ITPRID2: variants seen among roughly 807,000 people sequenced by gnomAD.
ITPRID2 encodes ITPR interacting domain containing 2.
Under a neutral mutation model 124.3 loss-of-function variants are expected in ITPRID2, and 60 were observed. The ratio of observed to expected loss-of-function variants is 0.48; its 90% CI spans 0.39 to 0.60. ITPRID2 has a LOEUF of 0.60. Ranked by LOEUF, ITPRID2 falls within the 20% of genes least tolerant of loss-of-function variation. The probability of loss-of-function intolerance (pLI) is 0.00; values close to 1 mark genes in which losing one functional copy is unlikely to be tolerated. For synonymous variants in ITPRID2, 521 were observed against 542.9 expected (o/e 0.96, Z 0.56); for missense variants, 1,553 against 1,512.2 (o/e 1.03, Z -0.45).
Position 181,930,538 on chromosome 2 carries a change from A to G in ITPRID2, c.*991A>G, listed in dbSNP as rs1216967629. The G allele has an allele frequency of 5.2e-5, 8 of 152,528 alleles. No homozygotes were observed. Among genetic ancestry groups the G allele is most frequent in the African/African-American group, 1.9e-4 (8 of 41,434 alleles). The allele number at this position is 152,528 out of a possible 1,614,324, so 9.4% of individuals were successfully genotyped here. A position where few individuals can be genotyped will look rare whatever the true frequency, so the allele number is the denominator to read the frequency against. Reference sequence around the variant, plus strand: ...TAAAGTAACCACCAAATGTTATTAGAATTTTTCTTCTAGCATTTATAATTT... The same window carrying G: ...TAAAGTAACCACCAAATGTTATTAGGATTTTTCTTCTAGCATTTATAATTT... On this transcript the variant is annotated 3_prime_UTR_variant, in exon 18 of 18. Transcript: ENST00000431877.
intron 14 of ITPRID2, 33 bp from the exon 15 acceptor site, chr2:181,920,564 A>G: frequency 1.3e-6 from 2 of 1,519,042 alleles, no homozygotes; most frequent in Non-Finnish European, 1.8e-6. Context: ...ATACACACAC[A>G]TATACATATA....
At chr2:181,911,957 T>C (rs1421638546) in intron 9 of ITPRID2, among the ~76,000 whole-genome samples, 2 of 152,194 alleles carry the variant, frequency 1.3e-5, no homozygotes, top group Admixed American at 1.3e-4. Context: ...ACCCAAACTG[T>C]GTACTTAGAC....
chr2:181,909,994 G>A, intron 9 of ITPRID2, 23 bp downstream of exon 9: 1 of 1,557,230 alleles, frequency 6.4e-7, no homozygotes, highest in South Asian at 1.1e-5. Flanking sequence ...GTATCCACTA[G>A]TTCTGAGCAC....
rs1313118956 is a variant in ITPRID2, at chr2:181,902,025, A to G, written c.972A>G (p.Gly324=). The change falls in exon 8 of 18, where the codon GGA becomes GGG. Residue 324 remains glycine, a synonymous_variant. Transcript: ENST00000431877. The surrounding 1 kb of genome is among the most constrained non-coding windows in gnomAD (Gnocchi z 4.4). ...SSSPSPSAEK[G]KILNVSVIEE... ...GTCCTTCTCCATCAGCTGAAAAAGG[A>G]AAGATTCTAAATGTTTCAGTGATTG... The G allele has an allele frequency of 3.1e-6, 5 of 1,613,802 alleles. No homozygotes were observed. Among genetic ancestry groups the G allele is most frequent in the Non-Finnish European group, 4.2e-6 (5 of 1,179,888 alleles).
chr2:181,922,532 A>G, intron 16 of ITPRID2, 120 bp downstream of exon 16: 1 of 1,006,810 alleles, frequency 9.9e-7, no homozygotes. Flanking sequence ...ATTTTCACAG[A>G]GCTTTTAAAT....
At chr2:181,926,529 T>C (rs549364464) in intron 16 of ITPRID2, among the ~76,000 whole-genome samples, 54 of 152,102 alleles carry the variant, frequency 3.6e-4, no homozygotes, top group East Asian at 2.1e-3. Context: ...TTGGCTAACA[T>C]GGTGAAACCC....
intron 8 of ITPRID2, among the ~76,000 whole-genome samples, chr2:181,903,315 C>T (rs951224817): frequency 6.6e-6 from 1 of 152,112 alleles, no homozygotes; most frequent in Admixed American, 6.6e-5. Context: ...GAAACTGAGG[C>T]ATATGTATGC....
chr2:181,929,731 A>C lies in ITPRID2; in HGVS notation c.*184A>C. 1.0e-6 allele frequency: 1 copy of C among 992,094 alleles called. No homozygotes were observed. Among genetic ancestry groups the C allele is most frequent in the Non-Finnish European group, 1.4e-6 (1 of 691,782 alleles). The allele number at this position is 992,094 out of a possible 1,614,324, so 61.5% of individuals were successfully genotyped here. On this transcript the variant is annotated 3_prime_UTR_variant, in exon 18 of 18. Transcript: ENST00000431877. The stretch of plus-strand genomic sequence containing the variant: ...TTTAAAAAGACGTACATAGAAACTT[A>C]GGCACTTTGCTATTTCTTTTCTAAA...
rs1376865013 is a variant in ITPRID2 at position 181,907,508 on chromosome 2, G to A, written c.1414-2391G>A. On this transcript the variant is annotated intron_variant, in intron 8 of 17. Coordinates refer to ENST00000431877, the MANE Select transcript of ITPRID2 (RefSeq NM_001130445.3). The surrounding 1 kb of genome is among the most constrained non-coding windows in gnomAD (Gnocchi z 5.1). ...ATGAAAAGTTTCAAACTTACTTGAA[G>A]ATTAGAGAAAATAATATCATGAACA... Among the ~76,000 whole-genome samples, 1 of 150,988 alleles carries A rather than the reference G, an allele frequency of 6.6e-6. No individual in the cohort carries two copies. Among genetic ancestry groups the A allele is most frequent in the South Asian group, 2.1e-4 (1 of 4,774 alleles).
At position 181,900,802 on chromosome 2, in the gene ITPRID2, T is replaced by A. The variant is rs1303082139; in HGVS notation, c.610T>A (p.Phe204Ile). 1.9e-6 allele frequency: 3 copies of A among 1,613,234 alleles called. No individual in the cohort carries two copies. The change falls in exon 7 of 18, where the codon TTT (phenylalanine) becomes ATT (isoleucine). Residue 204 changes from phenylalanine (F) to isoleucine (I), a missense_variant. Transcript: ENST00000431877. ...PDIASKIPSR[F>I]FNSSSFAKGI... Reference sequence around the variant, plus strand: ...TATTGCTTCTAAAATTCCTTCCAGATTTTTTAATTCATCATCCTTTGCCAA... The same window carrying A: ...TATTGCTTCTAAAATTCCTTCCAGAATTTTTAATTCATCATCCTTTGCCAA...
rs1392131613 is a variant in ITPRID2 at position 181,892,573 on chromosome 2, G to T, written c.212-42G>T. Reference sequence around the variant, plus strand: ...TCCAGGGTGACTCCGCCGTCGTAGTGCTCCTGGGTGGTAACGTGCTGTCCC... The same window carrying T: ...TCCAGGGTGACTCCGCCGTCGTAGTTCTCCTGGGTGGTAACGTGCTGTCCC... On this transcript the variant is annotated intron_variant, in intron 1 of 17. Transcript: ENST00000431877. The surrounding 1 kb of genome is among the most constrained non-coding windows in gnomAD (Gnocchi z 5.2). 6.2e-7 allele frequency: 1 copy of T among 1,613,172 alleles called. No homozygotes were observed. The highest frequency in any genetic ancestry group is 8.5e-7 in the Non-Finnish European group (1 of 1,179,250).
rs1691809224 is a variant in ITPRID2 at position 181,892,436 on chromosome 2, G to C, written c.211+159G>C. The C allele has an allele frequency of 5.4e-6, 6 of 1,120,126 alleles. No individual in the cohort carries two copies. Among genetic ancestry groups the C allele is most frequent in the Non-Finnish European group, 6.4e-6 (5 of 786,756 alleles). 69.4% of individuals were successfully genotyped at this position (1,120,126 alleles called of 1,614,324 possible). ...TTCAAACGCGCGCGCTGAACGAGGC[G>C]CCCCCAGCGTCAACACAGACAACTG... On this transcript the variant is annotated intron_variant, in intron 1 of 17. Coordinates refer to ENST00000431877, the MANE Select transcript of ITPRID2 (RefSeq NM_001130445.3). The surrounding 1 kb of genome is among the most constrained non-coding windows in gnomAD (Gnocchi z 5.2).
At position 181,919,546 on chromosome 2, in the gene ITPRID2, A is replaced by G; in HGVS notation, c.3144+100A>G. On this transcript the variant is annotated intron_variant, in intron 14 of 17. Coordinates refer to ENST00000431877, the MANE Select transcript of ITPRID2 (RefSeq NM_001130445.3). This position sits in a 1 kb window ranked among gnomAD's most constrained non-coding sequence, Gnocchi z 4.2. ...CCTTCATTTCAAGTCATTTATTTTA[A>G]TGGTATTAAAAGCATGCATACTGTT... 1 of 1,355,674 alleles carries G rather than the reference A, an allele frequency of 7.4e-7. No homozygotes were observed. Among genetic ancestry groups the G allele is most frequent in the Non-Finnish European group, 9.8e-7 (1 of 1,020,846 alleles). 84.0% of individuals were successfully genotyped at this position (1,355,674 alleles called of 1,614,324 possible). A position where few individuals can be genotyped will look rare whatever the true frequency, so the allele number is the denominator to read the frequency against.
rs779639664 is a variant in ITPRID2 at position 181,915,658 on chromosome 2, G to C, written c.2018G>C (p.Cys673Ser). ...LKSLASIEAK[C>S]SDMSSENTTG... is the part of the protein sequence containing the mutation. Reference sequence around the variant, plus strand: ...TCATTGGCTTCTATTGAAGCTAAATGCAGTGATATGAGCTCTGAAAATACA... The same window carrying C: ...TCATTGGCTTCTATTGAAGCTAAATCCAGTGATATGAGCTCTGAAAATACA... Residue 673 changes from cysteine to serine, a missense_variant, in exon 11 of 18, where the codon TGC becomes TCC. By Grantham distance (112) the Cys-to-Ser change is moderately radical. Transcript: ENST00000431877. 3.1e-6 allele frequency: 5 copies of C among 1,614,216 alleles called. No individual in the cohort carries two copies. The South Asian group carries it at 5.5e-5, about 18-fold the overall frequency.
chr2:181,897,974 A>C (rs1351859483), intron 4 of ITPRID2, among the ~76,000 whole-genome samples: 1 of 151,996 alleles, frequency 6.6e-6, no homozygotes, highest in Non-Finnish European at 1.5e-5. Flanking sequence ...TCCGTTATTA[A>C]AATGCACTTT....
intron 17 of ITPRID2, among the ~76,000 whole-genome samples, chr2:181,929,088 A>T (rs1215217668): frequency 6.6e-6 from 1 of 151,802 alleles, no homozygotes; most frequent in Non-Finnish European, 1.5e-5. Context: ...CTCTAATTAC[A>T]TTAAAAAATT....
intron 17 of ITPRID2, among the ~76,000 whole-genome samples, chr2:181,929,093 A>C (rs1315184684): frequency 6.6e-6 from 1 of 151,888 alleles, no homozygotes; most frequent in Non-Finnish European, 1.5e-5. Flanking sequence ...ATTACATTAA[A>C]AAATTTTTTT....
rs190453793 is a variant in ITPRID2, at chr2:181,926,739, A to G, written c.3676-1422A>G. ...AAAAAAAAAAAAAAAAAGAGAATAC[A>G]TTTTGGCTAGTTTGTTTTTTGAGTG... is the stretch of plus-strand genomic sequence containing the variant. On this transcript the variant is annotated intron_variant, in intron 16 of 17. Coordinates refer to ENST00000431877, the MANE Select transcript of ITPRID2 (RefSeq NM_001130445.3). Among the ~76,000 whole-genome samples, 109 of 151,602 alleles carry G rather than the reference A, an allele frequency of 7.2e-4. 1 individual carries two copies. In the East Asian group the frequency reaches 0.019, roughly 26 times the overall value.
At position 181,892,757 on chromosome 2, in the gene ITPRID2, A is replaced by G. The variant is rs1691857926; in HGVS notation, c.257+97A>G. 1 of 1,453,632 alleles carries G rather than the reference A, an allele frequency of 6.9e-7. No individual in the cohort carries two copies. Among genetic ancestry groups the G allele is most frequent in the South Asian group, 1.1e-5 (1 of 87,064 alleles). 90.0% of individuals were successfully genotyped at this position (1,453,632 alleles called of 1,614,324 possible). ...GGGCCGCGTCCCTGTGGGTCCCGCG[A>G]CCGTTGTAAGCTACAAACCGGAAAG... On this transcript the variant is annotated intron_variant, in intron 2 of 17. Coordinates refer to ENST00000431877, the MANE Select transcript of ITPRID2 (RefSeq NM_001130445.3). The surrounding 1 kb of genome is among the most constrained non-coding windows in gnomAD (Gnocchi z 5.2).
Sources: allele counts gnomAD v4.1 joint callset (sites outside exome capture counted in the v4.1 genomes callset), GRCh38; gene constraint gnomAD v4.1.1; non-coding constraint Gnocchi (gnomAD v3.1); transcripts MANE v1.5; gene names NCBI Gene and HGNC (gene_info 2026-07-23, HGNC 2026-07-21).